The following SAAL1 variants were observed in gnomAD, a reference collection of about 807,000 sequenced individuals.
SAAL1 encodes protein SAAL1.
A neutral mutation model predicts 59.8 loss-of-function variants in SAAL1; 42 were observed. That is an observed-to-expected ratio of 0.70 (90% CI 0.55 to 0.91). SAAL1 has a LOEUF of 0.91. Among genes scored for constraint, SAAL1 ranks in the 40% least tolerant of loss-of-function variants. SAAL1 has a pLI of 0.00. For missense variants in SAAL1, 542 were observed against 561.1 expected (o/e 0.97, Z 0.34); for synonymous variants, 191 against 194.3 (o/e 0.98, Z 0.14).
chr11:18,081,334 C>G (rs993751246), intron 11 of SAAL1, 77 bp downstream of exon 11: 3 of 991,204 alleles, frequency 3.0e-6, no homozygotes, highest in South Asian at 3.0e-5. Context: ...ACAATGACCT[C>G]GAAATCAAGT....
At chr11:18,088,601 TA>T (rs1222239095) in intron 7 of SAAL1, among the ~76,000 whole-genome samples, 1 of 152,144 alleles carries the variant, frequency 6.6e-6, no homozygotes, top group African/African-American at 2.4e-5. Context: ...ATGTCAGGAA[TA>T]AGGGTTGGGA....
Position 18,096,827 on chromosome 11 carries a change from TA to T in SAAL1, c.276del (p.Phe92LeufsTer19). The T allele has an allele frequency of 6.3e-7, 1 of 1,580,792 alleles. No individual in the cohort carries two copies. ...DEDVALFLQE[F>X]NAPDIFMGVL... ...ACTCCCATGAATATATCAGGAGCAT[TA>T]AATTCTTGGAGAAATAAAGCCACGT... On this transcript the variant is annotated frameshift_variant, in exon 3 of 12. Transcript: ENST00000524803. LOFTEE classifies it high-confidence loss of function.
Position 18,105,872 on chromosome 11 carries a change from T to C in SAAL1, c.135+35A>G, listed in dbSNP as rs750858643. ...GCGGAGCCCCGGTGCCTGGGGGATG[T>C]AGGGACACCCCACGCGTGGCGCGAG... On this transcript the variant is annotated intron_variant, in intron 1 of 11. Transcript: ENST00000524803. The C allele has an allele frequency of 7.7e-6, 12 of 1,549,828 alleles. No homozygotes were observed. In the East Asian group the frequency reaches 2.4e-4, roughly 31 times the overall value.
In SAAL1 at chr11:18,087,230, A is replaced by C. The variant is rs933277775; in HGVS notation, c.771-5T>G. ...AGCCATTCTGGATTTTCAGAACTAA[A>C]TAGGAAAAGTAAAAGCACTGAATCA... On this transcript the variant is annotated splice_region_variant and splice_polypyrimidine_tract_variant and intron_variant, in intron 7 of 11. Coordinates refer to ENST00000524803, the MANE Select transcript of SAAL1 (RefSeq NM_138421.3). The C allele has an allele frequency of 1.1e-5, 17 of 1,594,974 alleles. No individual in the cohort carries two copies.
At chr11:18,091,270 A>G (rs1261084285) in intron 4 of SAAL1, among the ~76,000 whole-genome samples, 1 of 152,188 alleles carries the variant, frequency 6.6e-6, no homozygotes, top group African/African-American at 2.4e-5. Flanking sequence ...TGGTTCAACA[A>G]ATTTATATCC....
At chr11:18,103,208 C>A in intron 2 of SAAL1, 25 bp downstream of exon 2, 1 of 1,467,732 alleles carries the variant, frequency 6.8e-7, no homozygotes, top group Non-Finnish European at 9.6e-7. Context: ...CAACAGTCTT[C>A]AGAGTTTTGT....
At chr11:18,100,942 A>T (rs954979392) in intron 2 of SAAL1, among the ~76,000 whole-genome samples, 3 of 152,224 alleles carry the variant, frequency 2.0e-5, no homozygotes, top group Non-Finnish European at 2.9e-5. Context: ...AAACAACACA[A>T]TTAAAAAGCA....
At chr11:18,096,575 C>A (rs532100548) in intron 3 of SAAL1, among the ~76,000 whole-genome samples, 196 bp downstream of exon 3, 2 of 152,030 alleles carry the variant, frequency 1.3e-5, no homozygotes, top group South Asian at 4.2e-4. Flanking sequence ...CATAGTGAGA[C>A]CCTGTCTCAA....
At chr11:18,081,332 C>A in intron 11 of SAAL1, 79 bp downstream of exon 11, 2 of 965,014 alleles carry the variant, frequency 2.1e-6, no homozygotes, top group South Asian at 3.1e-5. Context: ...TGACAATGAC[C>A]TCGAAATCAA....
chr11:18,092,873 G>C (rs188147451), intron 3 of SAAL1, among the ~76,000 whole-genome samples: 20 of 152,262 alleles, frequency 1.3e-4, no homozygotes, highest in Non-Finnish European at 2.8e-4. Flanking sequence ...AGTATCTTAG[G>C]AAGATTACTC....
chr11:18,089,842 G>A (rs1222095925), intron 6 of SAAL1, among the ~76,000 whole-genome samples: 1 of 152,288 alleles, frequency 6.6e-6, no homozygotes, highest in African/African-American at 2.4e-5. Context: ...TTGAACACAC[G>A]AGTTGGAGAC....
intron 7 of SAAL1, among the ~76,000 whole-genome samples, chr11:18,088,016 T>C (rs1848484220): frequency 6.6e-6 from 1 of 152,082 alleles, no homozygotes; most frequent in Non-Finnish European, 1.5e-5. Context: ...TCAGGGAAGG[T>C]ATCTTAAGAA....
intron 4 of SAAL1, among the ~76,000 whole-genome samples, chr11:18,091,694 A>C (rs1301501483): frequency 1.3e-5 from 2 of 152,234 alleles, no homozygotes; most frequent in Non-Finnish European, 2.9e-5. Context: ...GTGTTCTCCG[A>C]ACACAGTAAC....
rs1012972562 is a variant in SAAL1, at chr11:18,090,755, C to A, written c.414-262G>T. On this transcript the variant is annotated intron_variant, in intron 4 of 11. Coordinates refer to ENST00000524803, the MANE Select transcript of SAAL1 (RefSeq NM_138421.3). The stretch of plus-strand genomic sequence containing the variant: ...TTCCCACCTAGAAATGATGACCATT[C>A]TGATTTTTCCAGCAATCATTTCCTT... 2.0e-5 allele frequency: 6 copies of A among 305,308 alleles called. No homozygotes were observed. The Admixed American group carries it at 2.9e-4, about 15-fold the overall frequency. 18.9% of individuals were successfully genotyped at this position (305,308 alleles called of 1,614,324 possible).
chr11:18,102,865 C>T (rs1283964948), intron 2 of SAAL1, among the ~76,000 whole-genome samples: 1 of 152,054 alleles, frequency 6.6e-6, no homozygotes, highest in African/African-American at 2.4e-5. Context: ...TATTTATTGT[C>T]CTTTCCTTCT....
chr11:18,098,872 T>C (rs1037221307), intron 2 of SAAL1, among the ~76,000 whole-genome samples: 1 of 152,248 alleles, frequency 6.6e-6, no homozygotes, highest in African/African-American at 2.4e-5. Flanking sequence ...ACACCAACAG[T>C]AATAAAATTA....
Position 18,080,350 on chromosome 11 carries a change from G to T in SAAL1, c.*49C>A. Reference sequence around the variant, plus strand: ...CAATAAGTCAATTTCAACTGTCAGTGAGAAAAATAAAGTTTATTTCTTGTA... The same window carrying T: ...CAATAAGTCAATTTCAACTGTCAGTTAGAAAAATAAAGTTTATTTCTTGTA... On this transcript the variant is annotated 3_prime_UTR_variant, in exon 12 of 12. Transcript: ENST00000524803. The T allele has an allele frequency of 1.7e-6, 2 of 1,177,554 alleles. No homozygotes were observed. Among genetic ancestry groups the T allele is most frequent in the Non-Finnish European group, 2.5e-6 (2 of 815,830 alleles). 72.9% of individuals were successfully genotyped at this position (1,177,554 alleles called of 1,614,324 possible).
intron 10 of SAAL1, 68 bp downstream of exon 10, chr11:18,083,467 T>A: frequency 3.6e-6 from 3 of 825,598 alleles, no homozygotes; most frequent in East Asian, 2.7e-5. Context: ...TAAAAAAAAA[T>A]AAAGTTTGAA....
intron 1 of SAAL1, among the ~76,000 whole-genome samples, chr11:18,104,849 A>T (rs577203546): frequency 3.3e-4 from 50 of 152,288 alleles, no homozygotes; most frequent in Admixed American, 5.2e-4. Flanking sequence ...CTCCCAGGCA[A>T]AAAGAACTAA....
Sources: allele counts gnomAD v4.1 joint callset (sites outside exome capture counted in the v4.1 genomes callset), GRCh38; gene constraint gnomAD v4.1.1; transcripts MANE v1.5; gene names NCBI Gene and HGNC (gene_info 2026-07-23, HGNC 2026-07-21).